The following A2ML1 variants were observed in gnomAD, a reference collection of about 807,000 sequenced individuals.
A2ML1 encodes the protein alpha-2-macroglobulin-like protein 1.
A2ML1 carries 161 observed loss-of-function variants against 181.9 expected under a neutral mutation model. That is an observed-to-expected ratio of 0.89 (90% CI 0.78 to 1.01). The LOEUF (loss-of-function observed/expected upper bound fraction) is 1.01. A2ML1 is among the 50% of genes least tolerant of loss of function. The pLI is 0.00. For synonymous variants in A2ML1, 663 were observed against 666.8 expected (o/e 0.99, Z 0.09); for missense variants, 1,670 against 1,768.1 (o/e 0.94, Z 1.00).
Position 8,852,305 on chromosome 12 carries a change from C to T in A2ML1, c.2559C>T (p.Thr853=). 6.2e-7 allele frequency: 1 copy of T among 1,614,124 alleles called. No individual in the cohort carries two copies. The highest frequency in any genetic ancestry group is 8.5e-7 in the Non-Finnish European group (1 of 1,180,022). The change falls in exon 20 of 36, where the codon ACC becomes ACT. Residue 853 remains threonine (T), a synonymous_variant. Coordinates refer to ENST00000299698, the MANE Select transcript of A2ML1 (RefSeq NM_144670.6). The surrounding 1 kb of genome is among the most constrained non-coding windows in gnomAD (Gnocchi z 4.2). ...GTCTCTGTGCTGATGACGCAAAAAC[C>T]CACCACTGGAACATCACAGCTGTCA... The part of the protein sequence containing the change: ...SSCLCADDAK[T]HHWNITAVKL...
intron 33 of A2ML1, among the ~76,000 whole-genome samples, chr12:8,871,378 T>C (rs757852089): frequency 1.3e-5 from 2 of 152,350 alleles, no homozygotes; most frequent in East Asian, 3.9e-4. Context: ...TTATTTCTGT[T>C]GTTCATGTGT....
intron 7 of A2ML1, among the ~76,000 whole-genome samples, chr12:8,885,208 T>G (rs141382467): frequency 5.4e-4 from 82 of 152,298 alleles, no homozygotes; most frequent in African/African-American, 1.9e-3. Context: ...TGAACAAAAG[T>G]TCTTAATTTT....
intron 8 of A2ML1, among the ~76,000 whole-genome samples, chr12:8,838,080 G>C (rs889773124): frequency 2.6e-5 from 4 of 152,088 alleles, no homozygotes; most frequent in Non-Finnish European, 5.9e-5. Flanking sequence ...CCAAGAAATT[G>C]ACCTAAACCC....
chr12:8,855,123 G>C (rs188478098), intron 22 of A2ML1, among the ~76,000 whole-genome samples: 1 of 152,240 alleles, frequency 6.6e-6, no homozygotes, highest in African/African-American at 2.4e-5. Context: ...TCGAACTCCT[G>C]ACCTTGTGAT....
chr12:8,842,277 G>A (rs1234142138), intron 11 of A2ML1, among the ~76,000 whole-genome samples: 3 of 151,670 alleles, frequency 2.0e-5, no homozygotes, highest in South Asian at 2.1e-4. Context: ...GAGTGCAGTG[G>A]CGTGATCTCG....
At chr12:8,863,064 C>A (rs1428487984) in intron 28 of A2ML1, among the ~76,000 whole-genome samples, 2 of 151,640 alleles carry the variant, frequency 1.3e-5, no homozygotes, top group African/African-American at 2.4e-5. Context: ...AGAATTCTTT[C>A]ATATACTCTG....
At chr12:8,883,010 T>C (rs1220639367) in intron 7 of A2ML1, among the ~76,000 whole-genome samples, 1 of 152,008 alleles carries the variant, frequency 6.6e-6, no homozygotes, top group Non-Finnish European at 1.5e-5. Flanking sequence ...TCCACTAAAA[T>C]CTCCGATAAC....
downstream of A2ML1, among the ~76,000 whole-genome samples, chr12:8,880,153 C>A (rs1944856190): frequency 6.6e-6 from 1 of 152,144 alleles, no homozygotes; most frequent in Non-Finnish European, 1.5e-5. Flanking sequence ...CACCTGAGAT[C>A]AGGAGTTCGA....
intron 10 of A2ML1, among the ~76,000 whole-genome samples, chr12:8,840,059 TAG>T (rs1205139909): frequency 1.3e-5 from 2 of 152,102 alleles, no homozygotes; most frequent in African/African-American, 2.4e-5. Flanking sequence ...CAATTTTCTT[TAG>T]AGATTTTAAA....
Position 8,835,667 on chromosome 12 carries a change from G to A in A2ML1, c.643+1G>A. The A allele has an allele frequency of 6.2e-7, 1 of 1,614,082 alleles. No homozygotes were observed. Among genetic ancestry groups the A allele is most frequent in the Non-Finnish European group, 8.5e-7 (1 of 1,179,980 alleles). On this transcript the variant is annotated splice_donor_variant, in intron 6 of 35. Transcript: ENST00000299698. LOFTEE classifies it high-confidence loss of function. ...GGTACTTTCAGTGTGGAGGAATATGGTAGGTGGGGAAATGGACAGGCCAAA... is the reference window on the plus strand; with the variant it reads ...GGTACTTTCAGTGTGGAGGAATATGATAGGTGGGGAAATGGACAGGCCAAA...
intron 14 of A2ML1, among the ~76,000 whole-genome samples, chr12:8,846,849 T>A (rs1943703922): frequency 6.6e-6 from 1 of 151,004 alleles, no homozygotes; most frequent in African/African-American, 2.4e-5. Flanking sequence ...TGGTGATGCA[T>A]ACCTGTAGTC....
At chr12:8,854,896 A>ATTTTTTTTT in intron 22 of A2ML1, 65 bp downstream of exon 22, 1 of 1,294,010 alleles carries the variant, frequency 7.7e-7, no homozygotes, top group Non-Finnish European at 1.1e-6. Flanking sequence ...TTTTCTTTTC[A>ATTTTTTTTT]TTTTTTTTTT....
intron 33 of A2ML1, among the ~76,000 whole-genome samples, chr12:8,873,976 T>C (rs1944713295): frequency 6.6e-6 from 1 of 151,970 alleles, no homozygotes; most frequent in Admixed American, 6.6e-5. Flanking sequence ...GCAGTAGCGG[T>C]ACATAGAGGG....
At chr12:8,839,029 C>A in intron 9 of A2ML1, 84 bp from the exon 10 acceptor site, 1 of 910,066 alleles carries the variant, frequency 1.1e-6, no homozygotes, top group Non-Finnish European at 1.7e-6. Flanking sequence ...CCCTCTGCCA[C>A]CATTCTCTCA....
chr12:8,826,859 T>A (rs1489304225), intron 3 of A2ML1, among the ~76,000 whole-genome samples: 1 of 152,060 alleles, frequency 6.6e-6, no homozygotes, highest in African/African-American at 2.4e-5. Context: ...CCTCAAGTTA[T>A]CCTCCCCACT....
At chr12:8,857,609 A>G (rs1464880949) in intron 25 of A2ML1, 21 bp downstream of exon 25, 17 of 1,602,350 alleles carry the variant, frequency 1.1e-5, no homozygotes, top group South Asian at 3.4e-5. Context: ...CCAATTCCCA[A>G]TGAGTTCTGT....
chr12:8,874,327 A>T lies in A2ML1; in HGVS notation c.4222-98A>T, dbSNP rs1431904195. The T allele has an allele frequency of 3.0e-6, 3 of 994,054 alleles. No homozygotes were observed. In the South Asian group the frequency reaches 4.4e-5, roughly 14 times the overall value. 61.6% of individuals were successfully genotyped at this position (994,054 alleles called of 1,614,324 possible). A position where few individuals can be genotyped will look rare whatever the true frequency, so the allele number is the denominator to read the frequency against. On this transcript the variant is annotated intron_variant, in intron 33 of 35. Coordinates refer to ENST00000299698, the MANE Select transcript of A2ML1 (RefSeq NM_144670.6). ...CACCGTGCCTGGCGGGGCTTCAGAA[A>T]ATCTACATGAAGACAGCAAGGGTCT... is the stretch of plus-strand genomic sequence containing the variant.
chr12:8,847,245 TAAAAA>T (rs569093906), intron 14 of A2ML1, among the ~76,000 whole-genome samples: 3 of 121,806 alleles, frequency 2.5e-5, no homozygotes, highest in Non-Finnish European at 5.0e-5. Flanking sequence ...CTGTCTCTAT[TAAAAA>T]AAAAAAAAAA....
At position 8,857,985 on chromosome 12, in the gene A2ML1, GA is replaced by G. The variant is rs780985918; in HGVS notation, c.3150del (p.Lys1050AsnfsTer38). The G allele has an allele frequency of 6.2e-7, 1 of 1,614,174 alleles. No homozygotes were observed. Among genetic ancestry groups the G allele is most frequent in the African/African-American group, 1.3e-5 (1 of 75,032 alleles). ...FVTKCFGQAQKFIFIDPKNIQ... is the reference protein window; with the variant it reads ...FVTKCFGQAQXFIFIDPKNIQ... ...TCACAAAATGCTTTGGCCAAGCTCA[GA>G]AATTCATCTTCATTGATCCCAAGAA... On this transcript the variant is annotated frameshift_variant, in exon 26 of 36. Coordinates refer to ENST00000299698, the MANE Select transcript of A2ML1 (RefSeq NM_144670.6). LOFTEE classifies it high-confidence loss of function.
Sources: gnomAD v4.1 joint callset for allele counts (sites outside exome capture counted in the v4.1 genomes callset) on GRCh38, gnomAD v4.1.1 for gene constraint, Gnocchi (gnomAD v3.1) non-coding constraint, MANE v1.5 for transcripts, NCBI Gene and HGNC (gene_info 2026-07-23, HGNC 2026-07-21) for gene names.